FHIT: variants seen among roughly 807,000 people sequenced by gnomAD.
FHIT encodes bis(5'-adenosyl)-triphosphatase.
FHIT carries 19 observed loss-of-function variants against 17.9 expected under a neutral mutation model. The observed-to-expected ratio is 1.06, with a 90% CI of 0.74 to 1.56. The LOEUF (loss-of-function observed/expected upper bound fraction) is 1.56, where lower values mean the gene tolerates loss of function less well. Among genes scored for constraint, FHIT ranks in the 40% most tolerant of loss-of-function variants. The pLI, the probability that FHIT is intolerant of heterozygous loss-of-function variation, is 0.00. For missense variants in FHIT, 248 were observed against 189.2 expected (o/e 1.31, Z -1.82); for synonymous variants, 81 against 69.7 (o/e 1.16, Z -0.81).
At chr3:60,525,087 G>A (rs763252805) in intron 5 of FHIT, among the ~76,000 whole-genome samples, 7 of 152,176 alleles carry the variant, frequency 4.6e-5, no homozygotes, top group Non-Finnish European at 1.0e-4. Context: ...GAAGAAGGTA[G>A]GAAGCCACTG....
chr3:60,398,824 A>AAT (rs1483564756), intron 5 of FHIT, among the ~76,000 whole-genome samples: 1 of 152,170 alleles, frequency 6.6e-6, no homozygotes, highest in African/African-American at 2.4e-5. Flanking sequence ...GTGGAAAAAA[A>AAT]ATCTATGTTT....
chr3:61,103,994 C>T (rs543676690), intron 2 of FHIT, among the ~76,000 whole-genome samples: 1 of 151,816 alleles, frequency 6.6e-6, no homozygotes, highest in South Asian at 2.1e-4. Context: ...GAATACAGCA[C>T]ACTGATGAGT....
intron 5 of FHIT, among the ~76,000 whole-genome samples, chr3:60,355,149 T>C (rs1699591613): frequency 6.6e-6 from 1 of 152,218 alleles, no homozygotes; most frequent in African/African-American, 2.4e-5. Flanking sequence ...AAATGTTTTT[T>C]GTTCTCAAAG....
intron 5 of FHIT, among the ~76,000 whole-genome samples, chr3:60,029,292 C>T (rs941697141): frequency 3.9e-5 from 6 of 152,108 alleles, no homozygotes; most frequent in Non-Finnish European, 7.4e-5. Flanking sequence ...TTTTTATAGT[C>T]CCACACTGCT....
intron 5 of FHIT, among the ~76,000 whole-genome samples, chr3:60,129,833 T>C (rs932637423): frequency 8.5e-5 from 13 of 152,198 alleles, no homozygotes; most frequent in African/African-American, 1.7e-4. Context: ...TTATAGAATA[T>C]ACTGAACTTT....
chr3:61,214,275 A>C (rs2039593976), intron 1 of FHIT, among the ~76,000 whole-genome samples: 1 of 152,214 alleles, frequency 6.6e-6, no homozygotes, highest in Non-Finnish European at 1.5e-5. Flanking sequence ...CTAATAAAGA[A>C]GAAAAGAGAG....
chr3:60,618,546 T>C (rs369077342), intron 4 of FHIT, among the ~76,000 whole-genome samples: 1 of 152,236 alleles, frequency 6.6e-6, no homozygotes, highest in Non-Finnish European at 1.5e-5. Flanking sequence ...TGGTTTTCCG[T>C]TCCTGCGTTA....
intron 3 of FHIT, among the ~76,000 whole-genome samples, chr3:60,939,245 A>T (rs1468291084): frequency 6.6e-6 from 1 of 152,202 alleles, no homozygotes; most frequent in Non-Finnish European, 1.5e-5. Context: ...TTGTTTACCA[A>T]AACTTCTCAT....
At chr3:59,976,924 G>A (rs999018669) in intron 7 of FHIT, among the ~76,000 whole-genome samples, 1 of 152,086 alleles carries the variant, frequency 6.6e-6, no homozygotes, top group Admixed American at 6.6e-5. Context: ...AACTAGGCAT[G>A]GCTTGAAGAC....
At chr3:60,976,682 A>C (rs1710269657) in intron 3 of FHIT, among the ~76,000 whole-genome samples, 1 of 152,188 alleles carries the variant, frequency 6.6e-6, no homozygotes, top group Non-Finnish European at 1.5e-5. Flanking sequence ...GATGAATGAA[A>C]GATGTGACAC....
intron 8 of FHIT, among the ~76,000 whole-genome samples, chr3:59,792,266 T>C (rs1699596448): frequency 6.6e-6 from 1 of 152,190 alleles, no homozygotes; most frequent in Non-Finnish European, 1.5e-5. Context: ...CCTCTCAAAG[T>C]CTACCTAGAA....
intron 3 of FHIT, among the ~76,000 whole-genome samples, chr3:60,988,080 A>G (rs1364038387): frequency 6.6e-6 from 1 of 152,232 alleles, no homozygotes; most frequent in East Asian, 1.9e-4. Flanking sequence ...TTGTACTATC[A>G]AACCAGTATA....
rs2033338057 is a variant in FHIT, at chr3:61,037,984, A to G, written c.-111+4063T>C. Among the ~76,000 whole-genome samples, 2 of 152,258 alleles carry G rather than the reference A, an allele frequency of 1.3e-5. 1 individual carries two copies. Among genetic ancestry groups the G allele is most frequent in the South Asian group, 4.1e-4 (2 of 4,834 alleles). The stretch of plus-strand genomic sequence containing the variant: ...GCGCTCCAAACAGTCCTAGTCAGTC[A>G]GGGAAAGTTCTTTACAGAAAAAGTC... On this transcript the variant is annotated intron_variant, in intron 3 of 9. Coordinates refer to ENST00000492590, the MANE Select transcript of FHIT (RefSeq NM_002012.4).
intron 5 of FHIT, among the ~76,000 whole-genome samples, chr3:60,134,423 C>A (rs1699722097): frequency 6.6e-6 from 1 of 152,190 alleles, no homozygotes; most frequent in African/African-American, 2.4e-5. Flanking sequence ...GGTTATAATT[C>A]ATCCAATAAG....
At chr3:60,409,563 A>G (rs557711139) in intron 5 of FHIT, among the ~76,000 whole-genome samples, 25 of 152,304 alleles carry the variant, frequency 1.6e-4, no homozygotes, top group African/African-American at 5.5e-4. Context: ...TTTTCCCCAC[A>G]GGAACTTGGT....
intron 5 of FHIT, among the ~76,000 whole-genome samples, chr3:60,133,489 G>A (rs893567175): frequency 6.6e-6 from 1 of 152,176 alleles, no homozygotes; most frequent in African/African-American, 2.4e-5. Context: ...GTATGGCTCA[G>A]CATCTTGTCT....
chr3:60,183,492 C>T (rs950548417), intron 5 of FHIT, among the ~76,000 whole-genome samples: 7 of 151,990 alleles, frequency 4.6e-5, no homozygotes, highest in Non-Finnish European at 7.4e-5. Context: ...AAGTCAACAC[C>T]GTGACTAACA....
rs1708145528 is a variant in FHIT at position 60,295,032 on chromosome 3, G to T, written c.103+241828C>A. On this transcript the variant is annotated intron_variant, in intron 5 of 9. Transcript: ENST00000492590. ...GTGGATCCAAGTTTTTGTGTTTCTT[G>T]GATAAATGACCATGATCACAAATGC... Among the ~76,000 whole-genome samples, 5 of 151,688 alleles carry T rather than the reference G, an allele frequency of 3.3e-5. No homozygotes were observed. In the South Asian group the frequency reaches 1.0e-3, roughly 32 times the overall value.
intron 5 of FHIT, among the ~76,000 whole-genome samples, chr3:60,356,788 AAG>A (rs1273640251): frequency 7.8e-6 from 1 of 128,190 alleles, no homozygotes; most frequent in Non-Finnish European, 1.5e-5. Flanking sequence ...AAACGGAAGA[AAG>A]AGTAAATTGT....
Sources: gnomAD v4.1 joint callset for allele counts (sites outside exome capture counted in the v4.1 genomes callset) on GRCh38, gnomAD v4.1.1 for gene constraint, MANE v1.5 for transcripts, NCBI Gene and HGNC (gene_info 2026-07-23, HGNC 2026-07-21) for gene names.